Variants in NPFFR1 observed in about 807,000 individuals in gnomAD.
The protein encoded by NPFFR1 is G-protein coupled receptor 147.
In NPFFR1, 17 loss-of-function variants were observed where a neutral mutation model predicts 12.7. The ratio of observed to expected loss-of-function variants is 1.34; its 90% CI spans 0.92 to 2.01. The LOEUF (loss-of-function observed/expected upper bound fraction) is 2.01. Among genes scored for constraint, NPFFR1 ranks in the 30% most tolerant of loss-of-function variants. The pLI is 0.00. For synonymous variants in NPFFR1, 296 were observed against 264.5 expected (o/e 1.12, Z -1.16); for missense variants, 604 against 606.5 (o/e 1.00, Z 0.04).
intron 1 of NPFFR1, among the ~76,000 whole-genome samples, chr10:70,271,169 C>T (rs1166793835): frequency 6.6e-6 from 1 of 152,188 alleles, no homozygotes; most frequent in African/African-American, 2.4e-5. Flanking sequence ...AGTCCCAGCC[C>T]TTCTTCCTGC....
chr10:70,264,159 A>G (rs1467273870), intron 2 of NPFFR1, among the ~76,000 whole-genome samples: 3 of 152,144 alleles, frequency 2.0e-5, no homozygotes, highest in African/African-American at 7.2e-5. Flanking sequence ...AGGTCACTTG[A>G]GATCAAGAGT....
rs1840471836 is a variant in NPFFR1, at chr10:70,248,415, T to G, written c.*6542A>C. The stretch of plus-strand genomic sequence containing the variant: ...GTTCCTGTCCTCATGGAGCTTATGG[T>G]CCACTGTGAGAAATAAATAACAGAC... On this transcript the variant is annotated 3_prime_UTR_variant, in exon 4 of 4. Transcript: ENST00000277942. 6.6e-6 allele frequency: 1 copy of G among 151,156 alleles called. No individual in the cohort carries two copies. The highest frequency in any genetic ancestry group is 6.6e-5 in the Admixed American group (1 of 15,154). 9.4% of individuals were successfully genotyped at this position (151,156 alleles called of 1,614,324 possible). A position where few individuals can be genotyped will look rare whatever the true frequency, so the allele number is the denominator to read the frequency against.
At chr10:70,262,770 T>C (rs1300469295) in intron 2 of NPFFR1, among the ~76,000 whole-genome samples, 1 of 152,202 alleles carries the variant, frequency 6.6e-6, no homozygotes, top group East Asian at 1.9e-4. Flanking sequence ...GTGTTAAATA[T>C]TTCTGTTAGT....
chr10:70,262,407 T>A (rs1564594498), intron 2 of NPFFR1, among the ~76,000 whole-genome samples: 1 of 152,224 alleles, frequency 6.6e-6, no homozygotes, highest in Admixed American at 6.5e-5. Flanking sequence ...GACTGTATAC[T>A]ATAACAGCAA....
intron 1 of NPFFR1, among the ~76,000 whole-genome samples, chr10:70,279,971 C>T (rs1042367309): frequency 6.6e-6 from 1 of 152,194 alleles, no homozygotes; most frequent in Non-Finnish European, 1.5e-5. Context: ...TAAGTGAGAA[C>T]ATGTGGTATT....
intron 1 of NPFFR1, among the ~76,000 whole-genome samples, chr10:70,279,889 C>T (rs1840841829): frequency 6.6e-6 from 1 of 152,238 alleles, no homozygotes; most frequent in Non-Finnish European, 1.5e-5. Flanking sequence ...ACCACCATCA[C>T]TCCATTCTCC....
chr10:70,278,468 C>G (rs902642548), intron 1 of NPFFR1, among the ~76,000 whole-genome samples: 1 of 152,148 alleles, frequency 6.6e-6, no homozygotes, highest in Admixed American at 6.5e-5. Context: ...GTTGAGATAA[C>G]CTTAAATCTT....
intron 3 of NPFFR1, among the ~76,000 whole-genome samples, chr10:70,260,208 C>T (rs892501683): frequency 1.3e-5 from 2 of 152,194 alleles, no homozygotes; most frequent in Non-Finnish European, 2.9e-5. Context: ...TGCCGGGAAC[C>T]AGCAAGGAGC....
At position 70,266,393 on chromosome 10, in the gene NPFFR1, T is replaced by A. The variant is rs199731225; in HGVS notation, c.8-2A>T. 1.2e-6 allele frequency: 2 copies of A among 1,609,164 alleles called. No individual in the cohort carries two copies. Among genetic ancestry groups the A allele is most frequent in the Non-Finnish European group, 1.7e-6 (2 of 1,177,342 alleles). ...TGTTGGGAGGCTGGGAGGGCTCCCC[T>A]AGGACCAAAGGAATATATTGGTCAG... On this transcript the variant is annotated splice_acceptor_variant, in intron 1 of 3. Coordinates refer to ENST00000277942, the MANE Select transcript of NPFFR1 (RefSeq NM_022146.5). LOFTEE classifies it high-confidence loss of function.
chr10:70,283,680 G>C lies in NPFFR1; in HGVS notation c.-4C>G, dbSNP rs1421062060. 6.5e-7 allele frequency: 1 copy of C among 1,535,454 alleles called. No individual in the cohort carries two copies. The highest frequency in any genetic ancestry group is 1.4e-5 in the African/African-American group (1 of 73,036). On this transcript the variant is annotated 5_prime_UTR_variant, in exon 1 of 4. Coordinates refer to ENST00000277942, the MANE Select transcript of NPFFR1 (RefSeq NM_022146.5). ...CCCAGGACCACTCACCCTCCATGATGCCCCCAGTTGCGGGCTCCGGCGGTC... is the reference window on the plus strand; with the variant it reads ...CCCAGGACCACTCACCCTCCATGATCCCCCCAGTTGCGGGCTCCGGCGGTC...
At position 70,255,370 on chromosome 10, in the gene NPFFR1, C is replaced by G. The variant is rs1287016298; in HGVS notation, c.880G>C (p.Asp294His). ...TGCGGCGCGCTGAGCTGCCCGTAGT[C>G]GATGAGCAGCAGCAGCGCCCAGAGC... ...LPLWALLLLI[D>H]YGQLSAPQLH... is the part of the protein sequence containing the mutation. The change falls in exon 4 of 4, where the codon GAC becomes CAC. Residue 294 changes from aspartate (D) to histidine (H), a missense_variant. Physicochemically the swap from Asp to His is moderately conservative, Grantham distance 81. Transcript: ENST00000277942. This position sits in a 1 kb window ranked among gnomAD's most constrained non-coding sequence, Gnocchi z 4.2. 10 of 1,554,392 alleles carry G rather than the reference C, an allele frequency of 6.4e-6. No individual in the cohort carries two copies. Among genetic ancestry groups the G allele is most frequent in the Non-Finnish European group, 8.7e-6 (10 of 1,153,300 alleles).
chr10:70,279,973 T>C (rs906327140), intron 1 of NPFFR1, among the ~76,000 whole-genome samples: 3 of 152,250 alleles, frequency 2.0e-5, no homozygotes, highest in Non-Finnish European at 2.9e-5. Flanking sequence ...AGTGAGAACA[T>C]GTGGTATTTG....
At chr10:70,259,256 C>A (rs1235380096) in intron 3 of NPFFR1, among the ~76,000 whole-genome samples, 3 of 151,258 alleles carry the variant, frequency 2.0e-5, no homozygotes, top group African/African-American at 7.3e-5. Flanking sequence ...GGCACTCCAG[C>A]CTGGGTGACA....
At chr10:70,264,411 T>C (rs1481946376) in intron 2 of NPFFR1, among the ~76,000 whole-genome samples, 1 of 148,312 alleles carries the variant, frequency 6.7e-6, no homozygotes, top group Non-Finnish European at 1.5e-5. Context: ...ATAGTGAAGC[T>C]GTGTGAAGTT....
At chr10:70,265,401 T>C (rs187064457) in intron 2 of NPFFR1, among the ~76,000 whole-genome samples, 46 of 152,090 alleles carry the variant, frequency 3.0e-4, no homozygotes, top group African/African-American at 1.1e-3. Flanking sequence ...GAGTAGAGAG[T>C]AGATGGCACT....
In NPFFR1 at chr10:70,250,783, G is replaced by A. The variant is rs1840502388; in HGVS notation, c.*4174C>T. The A allele has an allele frequency of 6.6e-6, 1 of 152,174 alleles. No individual in the cohort carries two copies. The highest frequency in any genetic ancestry group is 6.5e-5 in the Admixed American group (1 of 15,274). 9.4% of individuals were successfully genotyped at this position (152,174 alleles called of 1,614,324 possible). A position where few individuals can be genotyped will look rare whatever the true frequency, so the allele number is the denominator to read the frequency against. On this transcript the variant is annotated 3_prime_UTR_variant, in exon 4 of 4. Transcript: ENST00000277942. ...GGATGATGAAAATATCTTCAGTGTG[G>A]TAGGGACATAACTATATACAACTGT...
At position 70,255,626 on chromosome 10, in the gene NPFFR1, G is replaced by C. The variant is rs751510876; in HGVS notation, c.624C>G (p.Pro208=). 5.7e-6 allele frequency: 9 copies of C among 1,578,388 alleles called. No homozygotes were observed. Among genetic ancestry groups the C allele is most frequent in the African/African-American group, 2.7e-5 (2 of 74,122 alleles). ...TGTAGACCCTGCGCATGCCCTTCTCGGGCCAGGCCTCCCAGCAGGAGTAGA... is the reference window on the plus strand; with the variant it reads ...TGTAGACCCTGCGCATGCCCTTCTCCGGCCAGGCCTCCCAGCAGGAGTAGA... The part of the protein sequence containing the change: ...YPLYSCWEAW[P]EKGMRRVYTT... The change falls in exon 4 of 4, where the codon CCC becomes CCG. Residue 208 remains proline (P), a synonymous_variant. Coordinates refer to ENST00000277942, the MANE Select transcript of NPFFR1 (RefSeq NM_022146.5). The surrounding 1 kb of genome is among the most constrained non-coding windows in gnomAD (Gnocchi z 4.2).
chr10:70,272,222 A>AAGAG (rs1564596696), intron 1 of NPFFR1, among the ~76,000 whole-genome samples: 67 of 7,600 alleles, frequency 8.8e-3, no homozygotes, highest in African/African-American at 0.036. Context: ...GAAAGAAAGA[A>AAGAG]AGAAAGAAAG....
chr10:70,275,268 C>A (rs1840792218), intron 1 of NPFFR1, among the ~76,000 whole-genome samples: 1 of 152,192 alleles, frequency 6.6e-6, no homozygotes, highest in South Asian at 2.1e-4. Flanking sequence ...AAATTGTATT[C>A]AGAAAAGGTT....
Sources: gnomAD v4.1 joint callset for allele counts (sites outside exome capture counted in the v4.1 genomes callset) on GRCh38, gnomAD v4.1.1 for gene constraint, Gnocchi (gnomAD v3.1) non-coding constraint, MANE v1.5 for transcripts, NCBI Gene and HGNC (gene_info 2026-07-23, HGNC 2026-07-21) for gene names.